Variants in ACIN1 observed in about 807,000 individuals in gnomAD.
The protein encoded by ACIN1 is apoptotic chromatin condensation inducer 1, also known as apoptotic chromatin condensation inducer in the nucleus.
ACIN1 carries 16 observed loss-of-function variants against 146.6 expected under a neutral mutation model. The ratio of observed to expected loss-of-function variants is 0.11; its 90% CI spans 0.07 to 0.17. ACIN1 has a LOEUF of 0.17. Ranked by LOEUF, ACIN1 falls within the 10% of genes least tolerant of loss-of-function variation. ACIN1 has a pLI of 1.00. For missense variants in ACIN1, 1,357 were observed against 1,609.3 expected, an observed-to-expected ratio of 0.84 and a Z score of 2.68; for synonymous variants, 569 against 582.7, an observed-to-expected ratio of 0.98 and a Z score of 0.34.
chr14:23,094,531 G>C (rs1180773351), intron 1 of ACIN1: 2 of 985,156 alleles, frequency 2.0e-6, no homozygotes, highest in Non-Finnish European at 2.4e-6. Context: ...CCCTACCCCA[G>C]TCCTATTCGT....
chr14:23,071,064 G>A, intron 8 of ACIN1: 1 of 1,492,014 alleles, frequency 6.7e-7, no homozygotes, highest in Non-Finnish European at 9.1e-7. Context: ...AGGAAGAGAA[G>A]GAAGACGAAG....
chr14:23,060,612 A>C (rs1286532068), intron 18 of ACIN1, among the ~76,000 whole-genome samples: 2 of 151,764 alleles, frequency 1.3e-5, no homozygotes, highest in Non-Finnish European at 2.9e-5. Flanking sequence ...TCCCGGGTTC[A>C]AGCAATTCTC....
intron 8 of ACIN1, among the ~76,000 whole-genome samples, chr14:23,073,495 C>T (rs1013303424): frequency 3.9e-5 from 6 of 152,040 alleles, no homozygotes; most frequent in African/African-American, 1.4e-4. Flanking sequence ...CCTGTCTCTA[C>T]TAAAAACACA....
Position 23,061,468 on chromosome 14 carries a change from C to T in ACIN1, c.3254G>A (p.Arg1085Gln), listed in dbSNP as rs771194310. The T allele has an allele frequency of 9.9e-6, 16 of 1,612,928 alleles. No individual in the cohort carries two copies. Among genetic ancestry groups the T allele is most frequent in the Admixed American group, 3.3e-5 (2 of 59,906 alleles). Reference sequence around the variant, plus strand: ...CCGTTCCCGTTCTGCCCACTGTTCCCGCACTGCCCGTTCCTGCTCCCGCTG... The same window carrying T: ...CCGTTCCCGTTCTGCCCACTGTTCCTGCACTGCCCGTTCCTGCTCCCGCTG... ...AEQREQERAV[R>Q]EQWAEREREM... Residue 1085 changes from arginine (R) to glutamine (Q), a missense_variant, in exon 17 of 19, where the codon CGG becomes CAG. Arg to Gln is a conservative substitution (Grantham distance 43). Around this residue, in one of 4 missense-constraint regions of ACIN1, gnomAD observed 509 missense variants for 719.6 expected, o/e 0.71. Coordinates refer to ENST00000605057, the MANE Select transcript of ACIN1 (RefSeq NM_001386863.1).
In ACIN1 at chr14:23,061,117, G is replaced by A. The variant is rs1282799092; in HGVS notation, c.3492C>T (p.Pro1164=). 6.2e-7 allele frequency: 1 copy of A among 1,614,166 alleles called. No individual in the cohort carries two copies. The highest frequency in any genetic ancestry group is 8.5e-7 in the Non-Finnish European group (1 of 1,180,040). ...CAGTCAGTGGGAGCCAATAGATGCA[G>A]GGAGCTGCCTTGGTCTTTCGGAAAA... ...DDLFRKTKAA[P]CIYWLPLTDS... Residue 1164 remains proline, a synonymous_variant, in exon 18 of 19, where the codon CCC becomes CCT. Coordinates refer to ENST00000605057, the MANE Select transcript of ACIN1 (RefSeq NM_001386863.1).
intron 8 of ACIN1, among the ~76,000 whole-genome samples, chr14:23,076,224 G>C (rs147241571): frequency 6.6e-5 from 10 of 152,176 alleles, no homozygotes; most frequent in Non-Finnish European, 1.2e-4. Context: ...TGGGCATGCT[G>C]TTTTGTTAGA....
At chr14:23,084,032 C>T (rs141701407) in intron 4 of ACIN1, among the ~76,000 whole-genome samples, 20,309 of 151,744 alleles carry the variant, frequency 0.13, 1,499 homozygotes, top group South Asian at 0.21. Flanking sequence ...CTGCAACCTC[C>T]GCCTCCTGGG....
intron 13 of ACIN1, 33 bp downstream of exon 13, chr14:23,063,403 C>A (rs771761771): frequency 6.2e-7 from 1 of 1,600,010 alleles, no homozygotes. Flanking sequence ...TTCAGGGAGC[C>A]GCATTACATT....
intron 8 of ACIN1, among the ~76,000 whole-genome samples, chr14:23,075,797 C>T (rs1010452443): frequency 5.9e-5 from 9 of 151,990 alleles, no homozygotes; most frequent in Non-Finnish European, 1.2e-4. Flanking sequence ...TTCCGCCTCC[C>T]GGGTTCAGGC....
Position 23,080,412 on chromosome 14 carries a change from G to A in ACIN1, c.923C>T (p.Pro308Leu), listed in dbSNP as rs1412269816. 1.9e-6 allele frequency: 3 copies of A among 1,614,072 alleles called. No homozygotes were observed. The highest frequency in any genetic ancestry group is 8.5e-7 in the Non-Finnish European group (1 of 1,180,014). Residue 308 changes from proline to leucine, a missense_variant, in exon 6 of 19, where the codon CCC (proline) becomes CTC (leucine). This residue lies in a region of ACIN1 where 771 missense variants were observed against 746.6 expected (regional missense o/e 1.03). Coordinates refer to ENST00000605057, the MANE Select transcript of ACIN1 (RefSeq NM_001386863.1). ...TATTTCTCTTTCTTCCTCCTCAAGG[G>A]GAGATGTTGTTTTCATTTCCTTCTC... The part of the protein sequence containing the change: ...QQEKEMKTTS[P>L]LEEEEREIKS...
In ACIN1 at chr14:23,064,118, C is replaced by T. The variant is rs956006612; in HGVS notation, c.2582G>A (p.Arg861Gln). 1.9e-6 allele frequency: 3 copies of T among 1,614,112 alleles called. No homozygotes were observed. Among genetic ancestry groups the T allele is most frequent in the Non-Finnish European group, 2.5e-6 (3 of 1,180,040 alleles). ...CAGAAGCCTTACCTGAGTGACTGTC[C>T]GGCATATTTTCAGCCCCTTGTCATG... ...GTHDKGLKIC[R>Q]TVTQVVPAEG... Residue 861 changes from arginine (R) to glutamine (Q), a missense_variant, in exon 12 of 19, where the codon CGG becomes CAG. By Grantham distance (43) the Arg-to-Gln change is conservative. Coordinates refer to ENST00000605057, the MANE Select transcript of ACIN1 (RefSeq NM_001386863.1).
At chr14:23,089,345 C>A (rs2048168137) in intron 4 of ACIN1, among the ~76,000 whole-genome samples, 2 of 152,190 alleles carry the variant, frequency 1.3e-5, no homozygotes. Flanking sequence ...TGAGCGACCA[C>A]ACCCAGTCTG....
chr14:23,095,377 G>C (rs2048352239), upstream of ACIN1: 1 of 1,455,648 alleles, frequency 6.9e-7, no homozygotes, highest in African/African-American at 1.4e-5. Context: ...CCGAAGCTTT[G>C]AATCGAATAT....
chr14:23,079,404 T>C, intron 6 of ACIN1, 143 bp downstream of exon 6: 2 of 1,385,060 alleles, frequency 1.4e-6, no homozygotes, highest in Non-Finnish European at 2.0e-6. Flanking sequence ...GATTCTGAAA[T>C]GAGGAGAAAG....
intron 6 of ACIN1, 115 bp from the exon 7 acceptor site, chr14:23,079,153 CTG>C: frequency 9.6e-7 from 1 of 1,046,642 alleles, no homozygotes; most frequent in Non-Finnish European, 1.4e-6. Flanking sequence ...ACCTTTTTGT[CTG>C]TGTTTACTCC....
chr14:23,064,244 T>C lies in ACIN1; in HGVS notation c.2456A>G (p.Asp819Gly). 6.2e-7 allele frequency: 1 copy of C among 1,614,084 alleles called. No individual in the cohort carries two copies. The highest frequency in any genetic ancestry group is 8.5e-7 in the Non-Finnish European group (1 of 1,180,048). Reference sequence around the variant, plus strand: ...CTCCTGCCCCGCCAGGGGTTTGATGTCGGGGATGAGGCTCTGGGACACAGA... The same window carrying C: ...CTCCTGCCCCGCCAGGGGTTTGATGCCGGGGATGAGGCTCTGGGACACAGA... Reference protein sequence around the residue: ...TTESLKSLIPDIKPLAGQEAV... With the variant: ...TTESLKSLIPGIKPLAGQEAV... The change falls in exon 12 of 19, where the codon GAC becomes GGC. Residue 819 changes from aspartate to glycine, a missense_variant. Asp to Gly is a moderately conservative substitution (Grantham distance 94, BLOSUM62 -1). Transcript: ENST00000605057.
chr14:23,067,609 G>A lies in ACIN1; in HGVS notation c.2266-1601C>T, dbSNP rs2047500449. The A allele has an allele frequency of 1.0e-6, 1 of 985,860 alleles. No individual in the cohort carries two copies. Among genetic ancestry groups the A allele is most frequent in the Non-Finnish European group, 1.2e-6 (1 of 830,014 alleles). 61.1% of individuals were successfully genotyped at this position (985,860 alleles called of 1,614,324 possible). A position where few individuals can be genotyped will look rare whatever the true frequency, so the allele number is the denominator to read the frequency against. On this transcript the variant is annotated intron_variant, in intron 9 of 18. Transcript: ENST00000605057. This position sits in a 1 kb window ranked among gnomAD's most constrained non-coding sequence, Gnocchi z 4.6. ...GGGATAGAGGGGGGAAAGGGGCAGA[G>A]ACATCAGTCCTGGCCCTGAAGGGAC...
At position 23,079,809 on chromosome 14, in the gene ACIN1, C is replaced by T. The variant is rs2140152051; in HGVS notation, c.1526G>A (p.Ser509Asn). ...GRRASHTLLPSHRLKQSADSS... is the reference protein window; with the variant it reads ...GRRASHTLLPNHRLKQSADSS... ...ATCAGCTGACTGTTTCAATCTGTGG[C>T]TTGGGAGAAGGGTATGAGAAGCTCT... Residue 509 changes from serine (S) to asparagine (N), a missense_variant, in exon 6 of 19, where the codon AGC becomes AAC. By Grantham distance (46) the Ser-to-Asn change is conservative. Coordinates refer to ENST00000605057, the MANE Select transcript of ACIN1 (RefSeq NM_001386863.1). The T allele has an allele frequency of 6.2e-7, 1 of 1,614,062 alleles. No individual in the cohort carries two copies. The highest frequency in any genetic ancestry group is 2.2e-5 in the East Asian group (1 of 44,902).
intron 4 of ACIN1, among the ~76,000 whole-genome samples, chr14:23,087,926 C>T (rs2048129010): frequency 6.6e-6 from 1 of 152,162 alleles, no homozygotes; most frequent in African/African-American, 2.4e-5. Flanking sequence ...TCTGCCAAAC[C>T]ATTTCTAAGG....
Sources: allele counts gnomAD v4.1 joint callset (sites outside exome capture counted in the v4.1 genomes callset), GRCh38; gene constraint gnomAD v4.1.1; regional missense constraint gnomAD v4.1.1; non-coding constraint Gnocchi (gnomAD v3.1); transcripts MANE v1.5; gene names NCBI Gene and HGNC (gene_info 2026-07-23, HGNC 2026-07-21).